MEI4: variants seen among roughly 807,000 people sequenced by gnomAD.
MEI4 encodes the protein meiosis-specific protein MEI4.
MEI4 carries 27 observed loss-of-function variants against 31.4 expected under a neutral mutation model. The ratio of observed to expected loss-of-function variants is 0.86; its 90% CI spans 0.63 to 1.19. The LOEUF (loss-of-function observed/expected upper bound fraction) is 1.19, where lower values mean the gene tolerates loss of function less well. MEI4 is among the 50% of genes most tolerant of loss of function. The pLI, the probability that MEI4 is intolerant of heterozygous loss-of-function variation, is 0.00. For missense variants in MEI4, 329 were observed against 398.9 expected (o/e 0.82, Z 1.49); for synonymous variants, 122 against 145.4 (o/e 0.84, Z 1.16).
At chr6:77,752,759 T>A (rs1320589825) in intron 2 of MEI4, among the ~76,000 whole-genome samples, 1 of 152,156 alleles carries the variant, frequency 6.6e-6, no homozygotes, top group East Asian at 1.9e-4. Flanking sequence ...AAAAACTAAT[T>A]TAAATTTCAT....
At chr6:77,652,912 G>A (rs1768325335), upstream of MEI4, among the ~76,000 whole-genome samples, 1 of 152,156 alleles carries the variant, frequency 6.6e-6, no homozygotes, top group South Asian at 2.1e-4. Context: ...AGAATGTTAA[G>A]AGCACCTGTA....
At chr6:77,693,052 G>A (rs1252401774) in intron 2 of MEI4, among the ~76,000 whole-genome samples, 1 of 152,042 alleles carries the variant, frequency 6.6e-6, no homozygotes, top group African/African-American at 2.4e-5. Context: ...TGCAGCAGGT[G>A]TAAGGTGCAC....
At chr6:77,659,767 A>G (rs189328277) in intron 1 of MEI4, among the ~76,000 whole-genome samples, 32 of 152,240 alleles carry the variant, frequency 2.1e-4, no homozygotes, top group Admixed American at 8.5e-4. Flanking sequence ...GAAGGCTCCA[A>G]TTGTTTCAGT....
At chr6:77,734,007 T>C (rs1375503019) in intron 2 of MEI4, among the ~76,000 whole-genome samples, 3 of 152,094 alleles carry the variant, frequency 2.0e-5, no homozygotes, top group Admixed American at 2.0e-4. Flanking sequence ...TTGTTATAAT[T>C]TCTTTTCTTT....
intron 3 of MEI4, among the ~76,000 whole-genome samples, chr6:77,763,218 C>T (rs528417205): frequency 6.6e-6 from 1 of 152,116 alleles, no homozygotes; most frequent in African/African-American, 2.4e-5. Flanking sequence ...CTTCCACCTT[C>T]CTCAAGCAGA....
chr6:77,841,333 A>ACATATATATATATATATTTTTTTTTT (rs1770356043), intron 4 of MEI4, among the ~76,000 whole-genome samples: 1 of 27,748 alleles, frequency 3.6e-5, no homozygotes, highest in Non-Finnish European at 5.2e-5. Context: ...ATATATATAT[A>ACATATATATATATATATTTTTTTTTT]TTTTTTTTTT....
intron 4 of MEI4, among the ~76,000 whole-genome samples, chr6:77,845,382 G>A (rs189006195): frequency 2.0e-5 from 3 of 152,162 alleles, no homozygotes; most frequent in Non-Finnish European, 4.4e-5. Flanking sequence ...GTGAGGGGGA[G>A]TGTGTTTATT....
intron 4 of MEI4, among the ~76,000 whole-genome samples, chr6:77,852,512 G>T (rs1475509037): frequency 2.0e-5 from 3 of 151,580 alleles, no homozygotes; most frequent in Admixed American, 6.6e-5. Flanking sequence ...CCATAAACTG[G>T]GTTGCTTATA....
chr6:77,761,187 C>A lies in MEI4; in HGVS notation c.290C>A (p.Thr97Asn), dbSNP rs1031836448. 3 of 1,232,192 alleles carry A rather than the reference C, an allele frequency of 2.4e-6. No homozygotes were observed. In the African/African-American group the frequency reaches 4.7e-5, roughly 19 times the overall value. The allele number at this position is 1,232,192 out of a possible 1,614,324, so 76.3% of individuals were successfully genotyped here. Residue 97 changes from threonine (T) to asparagine (N), a missense_variant, in exon 3 of 5, where the codon ACT (threonine) becomes AAT (asparagine). Physicochemically the swap from Thr to Asn is moderately conservative, Grantham distance 65 (BLOSUM62 0). Coordinates refer to ENST00000684080, the MANE Select transcript of MEI4 (RefSeq NM_001322247.2). The stretch of plus-strand genomic sequence containing the variant: ...CCTAAGAGTTCTGAAAGTACATTAA[C>A]TTCGATGGAAGATTCTGGATGTGAT... ...QEPKSSESTL[T>N]SMEDSGCDLS... is the part of the protein sequence containing the mutation.
intron 2 of MEI4, among the ~76,000 whole-genome samples, chr6:77,705,281 ACC>A (rs1314871853): frequency 6.6e-6 from 1 of 152,162 alleles, no homozygotes; most frequent in African/African-American, 2.4e-5. Context: ...CCAGTAGAAA[ACC>A]TTAAATTCTA....
intron 3 of MEI4, among the ~76,000 whole-genome samples, chr6:77,771,293 T>C (rs1768310443): frequency 2.0e-5 from 3 of 151,958 alleles, no homozygotes; most frequent in African/African-American, 7.2e-5. Flanking sequence ...AAAAAACAGA[T>C]GCTGGCAAGG....
chr6:77,697,815 G>A (rs1181969010), intron 2 of MEI4, among the ~76,000 whole-genome samples: 1 of 152,176 alleles, frequency 6.6e-6, no homozygotes. Flanking sequence ...CAATTCCTGG[G>A]TATCCTTGTT....
intron 3 of MEI4, among the ~76,000 whole-genome samples, chr6:77,804,084 G>T (rs370543639): frequency 6.6e-6 from 1 of 152,186 alleles, no homozygotes; most frequent in African/African-American, 2.4e-5. Flanking sequence ...AGTCTACAGA[G>T]GCAGGCAGGC....
chr6:77,899,844 G>A (rs1263039938), intron 4 of MEI4, among the ~76,000 whole-genome samples: 1 of 151,664 alleles, frequency 6.6e-6, no homozygotes, highest in Non-Finnish European at 1.5e-5. Flanking sequence ...TCCATATCTT[G>A]GCTATTTGTG....
chr6:77,886,828 A>G (rs765592739), intron 4 of MEI4, among the ~76,000 whole-genome samples: 7 of 151,870 alleles, frequency 4.6e-5, no homozygotes, highest in Non-Finnish European at 1.0e-4. Flanking sequence ...GATTTTATTT[A>G]TTTGGGTCTT....
At chr6:77,859,113 C>T (rs992928990) in intron 4 of MEI4, among the ~76,000 whole-genome samples, 5 of 152,014 alleles carry the variant, frequency 3.3e-5, no homozygotes, top group Admixed American at 6.6e-5. Flanking sequence ...AGAGAACATG[C>T]GGTGTTTGGT....
At chr6:77,912,136 G>C (rs781008191) in intron 4 of MEI4, among the ~76,000 whole-genome samples, 33 of 152,116 alleles carry the variant, frequency 2.2e-4, no homozygotes, top group Admixed American at 2.0e-3. Flanking sequence ...TCACTTGGCT[G>C]TGAATATATG....
chr6:77,874,959 C>T (rs1310284965), intron 4 of MEI4, among the ~76,000 whole-genome samples: 2 of 152,128 alleles, frequency 1.3e-5, no homozygotes, highest in Admixed American at 1.3e-4. Flanking sequence ...AAAAGCTTCA[C>T]CTGCTTTTAG....
chr6:77,762,184 C>G (rs2127682891), intron 3 of MEI4, among the ~76,000 whole-genome samples: 1 of 152,120 alleles, frequency 6.6e-6, no homozygotes, highest in East Asian at 1.9e-4. Context: ...GATAAATGCC[C>G]CATGGACCCT....
Sources: gnomAD v4.1 joint callset for allele counts (sites outside exome capture counted in the v4.1 genomes callset) on GRCh38, gnomAD v4.1.1 for gene constraint, MANE v1.5 for transcripts, NCBI Gene and HGNC (gene_info 2026-07-23, HGNC 2026-07-21) for gene names.